GPR176: variants seen among roughly 807,000 people sequenced by gnomAD.
GPR176 encodes the protein G-protein coupled receptor 176.
In GPR176, 26 loss-of-function variants were observed where a neutral mutation model predicts 35.4. The observed-to-expected ratio is 0.74, with a 90% CI of 0.54 to 1.02. The LOEUF is 1.02. GPR176 is among the 50% of genes least tolerant of loss of function. The pLI is 0.00. For synonymous variants in GPR176, 278 were observed against 271.3 expected (o/e 1.02, Z -0.24); for missense variants, 597 against 665.3 (o/e 0.90, Z 1.13).
chr15:39,877,373 A>T (rs1019516936), intron 1 of GPR176, among the ~76,000 whole-genome samples: 1 of 152,060 alleles, frequency 6.6e-6, no homozygotes, highest in Admixed American at 6.5e-5. Context: ...ATTCACCCCA[A>T]ATTCCCCCAA....
intron 1 of GPR176, among the ~76,000 whole-genome samples, chr15:39,842,995 G>C (rs1207531213): frequency 1.3e-5 from 2 of 151,810 alleles, no homozygotes; most frequent in African/African-American, 4.8e-5. Context: ...TACTCAAAGA[G>C]AAGAGGCTGT....
intron 1 of GPR176, among the ~76,000 whole-genome samples, chr15:39,888,864 C>T (rs750256459): frequency 6.6e-6 from 1 of 152,134 alleles, no homozygotes; most frequent in African/African-American, 2.4e-5. Flanking sequence ...TAATTGTTTG[C>T]GATAAACAGT....
At chr15:39,900,226 T>TAA (rs1038366139) in intron 1 of GPR176, among the ~76,000 whole-genome samples, 4 of 137,244 alleles carry the variant, frequency 2.9e-5, no homozygotes, top group African/African-American at 1.1e-4. Context: ...CAAGGATGTT[T>TAA]AAAAAAAAAA....
chr15:39,874,619 T>C (rs2032172923), intron 1 of GPR176, among the ~76,000 whole-genome samples: 1 of 152,254 alleles, frequency 6.6e-6, no homozygotes, highest in Non-Finnish European at 1.5e-5. Context: ...GTCATCATTG[T>C]TGCTTCACCT....
At chr15:39,838,469 G>C (rs2140785301) in intron 1 of GPR176, among the ~76,000 whole-genome samples, 1 of 152,230 alleles carries the variant, frequency 6.6e-6, no homozygotes, top group African/African-American at 2.4e-5. Context: ...TTCAGCTAAA[G>C]AAGCAATTAT....
intron 1 of GPR176, among the ~76,000 whole-genome samples, chr15:39,811,210 TTA>T (rs925275650): frequency 1.3e-5 from 2 of 152,156 alleles, no homozygotes; most frequent in Non-Finnish European, 2.9e-5. Context: ...AATTTTTTTT[TTA>T]GAGACAGGAT....
rs754289383 is a variant in GPR176 at position 39,829,052 on chromosome 15, G to A, written c.173-21794C>T. On this transcript the variant is annotated intron_variant, in intron 1 of 2. Coordinates refer to ENST00000561100, the MANE Select transcript of GPR176 (RefSeq NM_007223.3). The stretch of plus-strand genomic sequence containing the variant: ...CTATTCTATCCCATTTTAAAAATAA[G>A]GAAATTGAGGCACTGAAAGGTTAAT... 5 of 787,142 alleles carry A rather than the reference G, an allele frequency of 6.4e-6. No homozygotes were observed. The African/African-American group carries it at 8.5e-5, about 13-fold the overall frequency. The allele number at this position is 787,142 out of a possible 1,614,324, so 48.8% of individuals were successfully genotyped here. A position where few individuals can be genotyped will look rare whatever the true frequency, so the allele number is the denominator to read the frequency against.
intron 1 of GPR176, among the ~76,000 whole-genome samples, chr15:39,861,855 A>C (rs1341225208): frequency 6.6e-6 from 1 of 152,204 alleles, no homozygotes; most frequent in Non-Finnish European, 1.5e-5. Context: ...TCTTAAGACG[A>C]CTGTTGCAGG....
At chr15:39,836,271 G>C (rs1901394541) in intron 1 of GPR176, among the ~76,000 whole-genome samples, 1 of 152,176 alleles carries the variant, frequency 6.6e-6, no homozygotes, top group Admixed American at 6.5e-5. Context: ...ATTGTTGGAA[G>C]TGGGACCTTG....
At chr15:39,883,904 A>T (rs567926699) in intron 1 of GPR176, among the ~76,000 whole-genome samples, 2 of 152,268 alleles carry the variant, frequency 1.3e-5, no homozygotes, top group Non-Finnish European at 2.9e-5. Flanking sequence ...ATAAATCTTT[A>T]TTCAGAAATA....
chr15:39,874,595 G>T (rs1040097899), intron 1 of GPR176, among the ~76,000 whole-genome samples: 3 of 152,118 alleles, frequency 2.0e-5, no homozygotes, highest in African/African-American at 7.2e-5. Context: ...TTCTTCTCTT[G>T]CATACTTAGG....
rs1294281194 is a variant in GPR176, at chr15:39,807,154, C to T, written c.277G>A (p.Val93Ile). 1 of 1,613,912 alleles carries T rather than the reference C, an allele frequency of 6.2e-7. No individual in the cohort carries two copies. The highest frequency in any genetic ancestry group is 1.1e-5 in the South Asian group (1 of 91,056). The change falls in exon 2 of 3, where the codon GTC becomes ATC. Residue 93 changes from valine to isoleucine, a missense_variant. Transcript: ENST00000561100. ...AGGATGATGTCGAAGGGCACACAGACCAGGCTGGCACAAATCCCCGAGCAG... is the reference window on the plus strand; with the variant it reads ...AGGATGATGTCGAAGGGCACACAGATCAGGCTGGCACAAATCCCCGAGCAG... ...LACSGICASL[V>I]CVPFDIILST...
chr15:39,883,357 T>C (rs554396115), intron 1 of GPR176, among the ~76,000 whole-genome samples: 1 of 152,324 alleles, frequency 6.6e-6, no homozygotes, highest in South Asian at 2.1e-4. Context: ...AAACGTTTAC[T>C]ATTAATTTTC....
At chr15:39,915,432 T>C (rs1206267120) in intron 1 of GPR176, among the ~76,000 whole-genome samples, 1 of 152,070 alleles carries the variant, frequency 6.6e-6, no homozygotes, top group Non-Finnish European at 1.5e-5. Context: ...CCTAATAACA[T>C]GACATTGGGG....
At chr15:39,835,329 G>A (rs1195721355) in intron 1 of GPR176, among the ~76,000 whole-genome samples, 1 of 151,466 alleles carries the variant, frequency 6.6e-6, no homozygotes, top group East Asian at 1.9e-4. Context: ...AAAATATCTT[G>A]TACCCCATAA....
At chr15:39,893,540 T>C (rs147221311) in intron 1 of GPR176, among the ~76,000 whole-genome samples, 9,392 of 152,270 alleles carry the variant, frequency 0.062, 700 homozygotes, top group Admixed American at 0.2. Context: ...GATTTCTCAA[T>C]CTTTTCCCCA....
chr15:39,851,655 CTT>C (rs1387254980), intron 1 of GPR176, among the ~76,000 whole-genome samples: 2 of 152,202 alleles, frequency 1.3e-5, no homozygotes, highest in East Asian at 1.9e-4. Context: ...AACATCAACT[CTT>C]GTTTTCCTCA....
At chr15:39,839,136 T>C (rs1901588201) in intron 1 of GPR176, among the ~76,000 whole-genome samples, 1 of 152,154 alleles carries the variant, frequency 6.6e-6, no homozygotes, top group Non-Finnish European at 1.5e-5. Flanking sequence ...AAAAAACTAC[T>C]TTAAAGTTCA....
chr15:39,849,788 C>T (rs928915547), intron 1 of GPR176, among the ~76,000 whole-genome samples: 4 of 152,100 alleles, frequency 2.6e-5, no homozygotes, highest in African/African-American at 9.7e-5. Flanking sequence ...TAACATTATA[C>T]GGTCAGGCAT....
Sources: gnomAD v4.1 joint callset for allele counts (sites outside exome capture counted in the v4.1 genomes callset) on GRCh38, gnomAD v4.1.1 for gene constraint, MANE v1.5 for transcripts, NCBI Gene and HGNC (gene_info 2026-07-23, HGNC 2026-07-21) for gene names.